ADAMTSL1: variants seen among roughly 807,000 people sequenced by gnomAD.
The protein encoded by ADAMTSL1 is ADAMTS like 1.
A neutral mutation model predicts 201.8 loss-of-function variants in ADAMTSL1; 126 were observed. That is an observed-to-expected ratio of 0.62 (90% CI 0.54 to 0.72). ADAMTSL1 has a LOEUF of 0.72. Among genes scored for constraint, ADAMTSL1 ranks in the 30% least tolerant of loss-of-function variants. The pLI, the probability that ADAMTSL1 is intolerant of heterozygous loss-of-function variation, is 0.00. For synonymous variants in ADAMTSL1, 1,121 were observed against 903.4 expected (o/e 1.24, Z -4.32); for missense variants, 2,679 against 2,277.8 (o/e 1.18, Z -3.59).
intron 2 of ADAMTSL1, among the ~76,000 whole-genome samples, chr9:18,531,705 T>C (rs148164790): frequency 6.6e-6 from 1 of 152,338 alleles, no homozygotes; most frequent in African/African-American, 2.4e-5. Flanking sequence ...TTAATTTTCT[T>C]AATAACAAAG....
intron 9 of ADAMTSL1, among the ~76,000 whole-genome samples, chr9:18,668,408 A>G (rs1292681932): frequency 6.6e-6 from 1 of 152,200 alleles, no homozygotes; most frequent in Admixed American, 6.5e-5. Flanking sequence ...TGGGAAATTC[A>G]ATTTACTACA....
intron 4 of ADAMTSL1, among the ~76,000 whole-genome samples, chr9:18,598,872 C>T (rs891142473): frequency 1.4e-5 from 2 of 144,098 alleles, no homozygotes; most frequent in African/African-American, 2.5e-5. Context: ...GAGAAAGGGA[C>T]GGGGTGGGCT....
chr9:18,202,626 G>A (rs1416944063), intron 2 of ADAMTSL1, among the ~76,000 whole-genome samples: 1 of 152,138 alleles, frequency 6.6e-6, no homozygotes, highest in Non-Finnish European at 1.5e-5. Flanking sequence ...TCTGACTTCC[G>A]GCAAAATGAA....
At chr9:17,954,126 G>A (rs571428148) in intron 1 of ADAMTSL1, among the ~76,000 whole-genome samples, 2 of 152,254 alleles carry the variant, frequency 1.3e-5, no homozygotes, top group South Asian at 2.1e-4. Flanking sequence ...CACCTCATGT[G>A]GGATCTTCAT....
In ADAMTSL1 at chr9:18,515,107, T is replaced by TA. The variant is rs968128449; in HGVS notation, c.191+10159dup. Among the ~76,000 whole-genome samples the TA allele has an allele frequency of 1.8e-3, 276 of 152,108 alleles. 1 individual carries two copies. The highest frequency in any genetic ancestry group is 6.3e-3 in the African/African-American group (261 of 41,520). On this transcript the variant is annotated intron_variant, in intron 2 of 28. Coordinates refer to ENST00000380548, the MANE Select transcript of ADAMTSL1 (RefSeq NM_001040272.6). ...ACTTTAGAATCACCTGGAAAGCTTTTAAAAAAAATACAGATATCTGGGCCC... is the reference window on the plus strand; with the variant it reads ...ACTTTAGAATCACCTGGAAAGCTTTTAAAAAAAAATACAGATATCTGGGCCC...
chr9:18,161,320 G>C (rs1171650779), intron 1 of ADAMTSL1, among the ~76,000 whole-genome samples: 1 of 151,906 alleles, frequency 6.6e-6, no homozygotes, highest in African/African-American at 2.4e-5. Context: ...ACTTCTTTTT[G>C]TAGGCACAGA....
chr9:18,493,241 A>C (rs1822353420), intron 1 of ADAMTSL1, among the ~76,000 whole-genome samples: 1 of 152,326 alleles, frequency 6.6e-6, no homozygotes, highest in African/African-American at 2.4e-5. Context: ...TGCTTCTATC[A>C]GGTTATTTTT....
At chr9:18,744,821 A>G (rs915386190) in intron 15 of ADAMTSL1, among the ~76,000 whole-genome samples, 2 of 152,200 alleles carry the variant, frequency 1.3e-5, no homozygotes, top group African/African-American at 2.4e-5. Context: ...TCAGTCTTCT[A>G]TCTTTCATAT....
Position 18,346,444 on chromosome 9 carries a change from T to A in ADAMTSL1, c.208-158385T>A, listed in dbSNP as rs555065703. Among the ~76,000 whole-genome samples, 71 of 152,216 alleles carry A rather than the reference T, an allele frequency of 4.7e-4. No homozygotes were observed. The South Asian group carries it at 0.013, about 28-fold the overall frequency. ...TCAGGTTTCCCACATACTAGCTGAG[T>A]GACTCTAAGCAAGTAAGGGTTTTCT... On this transcript the variant is annotated intron_variant, in intron 2 of 29. Coordinates refer to the ADAMTSL1 transcript ENST00000680146.
intron 2 of ADAMTSL1, among the ~76,000 whole-genome samples, chr9:18,184,782 A>G (rs972600876): frequency 6.6e-6 from 1 of 152,224 alleles, no homozygotes; most frequent in African/African-American, 2.4e-5. Flanking sequence ...CTCTGGCTTG[A>G]GATTTCATCC....
At chr9:18,634,911 T>TATATAAATATGTATGTAAATATATATTTA (rs1554719412) in intron 5 of ADAMTSL1, among the ~76,000 whole-genome samples, 13,945 of 78,670 alleles carry the variant, frequency 0.18, 994 homozygotes, top group Admixed American at 0.22. Context: ...ATATATTTAA[T>TATATAAATATGTATGTAAATATATATTTA]ATATATATAT....
intron 4 of ADAMTSL1, among the ~76,000 whole-genome samples, chr9:18,618,583 A>G (rs1188979224): frequency 1.7e-5 from 2 of 118,168 alleles, no homozygotes; most frequent in African/African-American, 3.1e-5. Context: ...ATTCTCTCAC[A>G]AAAAAAAAAA....
chr9:18,711,769 T>G (rs1383413277), intron 14 of ADAMTSL1, among the ~76,000 whole-genome samples: 2 of 152,066 alleles, frequency 1.3e-5, no homozygotes, highest in East Asian at 3.9e-4. Context: ...CCTGCCTGCC[T>G]CTGTAGGCTC....
intron 1 of ADAMTSL1, among the ~76,000 whole-genome samples, chr9:18,075,244 C>T (rs1035163421): frequency 7.9e-5 from 12 of 152,114 alleles, no homozygotes; most frequent in African/African-American, 1.2e-4. Context: ...AAGAATATTA[C>T]AATAATGGTT....
At chr9:18,260,558 C>T (rs1166125026) in intron 2 of ADAMTSL1, among the ~76,000 whole-genome samples, 1 of 152,230 alleles carries the variant, frequency 6.6e-6, no homozygotes. Flanking sequence ...TCACCATTGG[C>T]CATCCCAACC....
chr9:18,804,426 A>C (rs1822980897), intron 20 of ADAMTSL1, among the ~76,000 whole-genome samples: 2 of 152,226 alleles, frequency 1.3e-5, no homozygotes, highest in Admixed American at 6.5e-5. Context: ...GAAGGTCAGC[A>C]GGGAGTTAAA....
At chr9:18,076,716 G>A (rs542397854) in intron 1 of ADAMTSL1, among the ~76,000 whole-genome samples, 2 of 152,272 alleles carry the variant, frequency 1.3e-5, no homozygotes, top group Admixed American at 6.5e-5. Context: ...ACTGTTAACG[G>A]CTGGGAGACA....
At chr9:18,244,153 A>G (rs1831173408) in intron 2 of ADAMTSL1, among the ~76,000 whole-genome samples, 1 of 151,388 alleles carries the variant, frequency 6.6e-6, no homozygotes, top group South Asian at 2.1e-4. Context: ...TGCCTACAAC[A>G]CTGTGTTGAG....
intron 2 of ADAMTSL1, among the ~76,000 whole-genome samples, chr9:18,532,572 C>T (rs1479141452): frequency 6.6e-6 from 1 of 151,876 alleles, no homozygotes; most frequent in African/African-American, 2.4e-5. Flanking sequence ...GAGAAAATGC[C>T]TCCAAAAAAT....
Sources: allele counts gnomAD v4.1 joint callset (sites outside exome capture counted in the v4.1 genomes callset), GRCh38; gene constraint gnomAD v4.1.1; transcripts MANE v1.5; gene names NCBI Gene and HGNC (gene_info 2026-07-23, HGNC 2026-07-21).